SEZ6L: variants seen among roughly 807,000 people sequenced by gnomAD.
The protein encoded by SEZ6L is seizure related 6 homolog like, also known as seizure 6-like protein.
A neutral mutation model predicts 106.2 loss-of-function variants in SEZ6L; 37 were observed. The ratio of observed to expected loss-of-function variants is 0.35; its 90% CI spans 0.27 to 0.46. The LOEUF (loss-of-function observed/expected upper bound fraction) is 0.46. Among genes scored for constraint, SEZ6L ranks in the 20% least tolerant of loss-of-function variants. SEZ6L has a pLI of 1.00. For synonymous variants in SEZ6L, 541 were observed against 570.4 expected (o/e 0.95, Z 0.73); for missense variants, 1,172 against 1,332.8 (o/e 0.88, Z 1.88).
At chr22:26,255,818 T>C (rs2079797818) in intron 1 of SEZ6L, among the ~76,000 whole-genome samples, 1 of 152,174 alleles carries the variant, frequency 6.6e-6, no homozygotes, top group Admixed American at 6.5e-5. Context: ...GGGAATCCAA[T>C]AAAAGTGAAA....
intron 1 of SEZ6L, among the ~76,000 whole-genome samples, chr22:26,209,759 G>A (rs1489733380): frequency 1.4e-5 from 2 of 140,430 alleles, no homozygotes; most frequent in Admixed American, 7.2e-5. Flanking sequence ...AGAGAAGGAA[G>A]GAAGCGAGGG....
intron 1 of SEZ6L, among the ~76,000 whole-genome samples, chr22:26,275,896 T>A (rs1278531826): frequency 6.6e-6 from 1 of 152,146 alleles, no homozygotes; most frequent in African/African-American, 2.4e-5. Context: ...TTGTAATAGG[T>A]GGTGCTCACT....
intron 1 of SEZ6L, among the ~76,000 whole-genome samples, chr22:26,272,087 C>T (rs1027602037): frequency 6.6e-6 from 1 of 152,202 alleles, no homozygotes; most frequent in African/African-American, 2.4e-5. Flanking sequence ...AAAGAGAACA[C>T]GTTGCATAAT....
chr22:26,222,657 A>G (rs762155450), intron 1 of SEZ6L, among the ~76,000 whole-genome samples: 9 of 152,230 alleles, frequency 5.9e-5, no homozygotes, highest in Non-Finnish European at 8.8e-5. Flanking sequence ...ACAAATCTCA[A>G]TATCATAGGG....
chr22:26,194,637 A>G (rs1255238660), intron 1 of SEZ6L, among the ~76,000 whole-genome samples: 1 of 152,210 alleles, frequency 6.6e-6, no homozygotes, highest in Non-Finnish European at 1.5e-5. Context: ...CATGGGGAAG[A>G]GATGTTCCTG....
chr22:26,251,118 C>T (rs1298195527), intron 1 of SEZ6L, among the ~76,000 whole-genome samples: 3 of 152,170 alleles, frequency 2.0e-5, no homozygotes, highest in African/African-American at 7.2e-5. Context: ...AAACAACTTT[C>T]CACTTTGGAT....
chr22:26,211,804 T>TAAAAAAAAAAAAAAAAAAAAAAAAAAA, intron 1 of SEZ6L, among the ~76,000 whole-genome samples: 1 of 48,082 alleles, frequency 2.1e-5, no homozygotes, highest in South Asian at 1.1e-3. Flanking sequence ...ACCTCGTCTC[T>TAAAAAAAAAAAAAAAAAAAAAAAAAAA]AAAAAAAAAA....
chr22:26,367,226 C>T (rs1187611717), intron 13 of SEZ6L, among the ~76,000 whole-genome samples: 2 of 152,118 alleles, frequency 1.3e-5, no homozygotes, highest in East Asian at 1.9e-4. Context: ...CCAAGCGTCC[C>T]GTAGAACAGC....
intron 1 of SEZ6L, among the ~76,000 whole-genome samples, chr22:26,274,523 T>C (rs1358681119): frequency 6.6e-6 from 1 of 152,210 alleles, no homozygotes; most frequent in African/African-American, 2.4e-5. Context: ...ATTAAATCCA[T>C]GTGCTCCTAT....
intron 1 of SEZ6L, among the ~76,000 whole-genome samples, chr22:26,202,647 C>CT (rs951979556): frequency 6.6e-6 from 1 of 152,104 alleles, no homozygotes; most frequent in Non-Finnish European, 1.5e-5. Context: ...TTATGTCTTA[C>CT]TTTTTTTCAG....
At chr22:26,191,396 T>C (rs1474114191) in intron 1 of SEZ6L, among the ~76,000 whole-genome samples, 5 of 152,200 alleles carry the variant, frequency 3.3e-5, no homozygotes, top group Non-Finnish European at 7.3e-5. Flanking sequence ...CATGGAATAC[T>C]ATGCAGCCAT....
rs781334572 is a variant in SEZ6L, at chr22:26,306,054, G to A, written c.1424G>A (p.Gly475Glu). ...CCAAGTTACCCTGAAAACACAAATG[G>A]GAGCCAATTCTGCATCTGGACGATT... ...LSPSYPENTN[G>E]SQFCIWTIEA... The change falls in exon 6 of 17, where the codon GGG becomes GAG. Residue 475 changes from glycine (G) to glutamate (E), a missense_variant. Transcript: ENST00000248933. The A allele has an allele frequency of 1.5e-5, 25 of 1,613,998 alleles. No individual in the cohort carries two copies. The East Asian group carries it at 5.6e-4, about 36-fold the overall frequency.
At chr22:26,318,990 C>T (rs11913632) in intron 9 of SEZ6L, among the ~76,000 whole-genome samples, 1,875 of 152,202 alleles carry the variant, frequency 0.012, 47 homozygotes, top group African/African-American at 0.043. Context: ...TCAATTTCCA[C>T]GGTGTAAATA....
intron 9 of SEZ6L, among the ~76,000 whole-genome samples, chr22:26,331,503 A>G (rs930837995): frequency 6.6e-6 from 1 of 152,194 alleles, no homozygotes; most frequent in African/African-American, 2.4e-5. Context: ...GATCTTTCTA[A>G]ATATTTCAAA....
At position 26,347,807 on chromosome 22, in the gene SEZ6L, C is replaced by T; in HGVS notation, c.2301C>T (p.Ala767=). The T allele has an allele frequency of 6.2e-7, 1 of 1,608,410 alleles. No homozygotes were observed. The highest frequency in any genetic ancestry group is 8.5e-7 in the Non-Finnish European group (1 of 1,178,070). The part of the protein sequence containing the change: ...TTSHTELVRG[A]RITYQCDPGY... ...CTCACACGGAGTTGGTGCGGGGAGC[C>T]AGAATCACCTACCAGTGTGACCCCG... The change falls in exon 11 of 17, where the codon GCC becomes GCT. Residue 767 remains alanine (A), a synonymous_variant. Transcript: ENST00000248933.
At chr22:26,377,904 C>T in intron 16 of SEZ6L, 129 bp downstream of exon 16, 1 of 698,176 alleles carries the variant, frequency 1.4e-6, no homozygotes, top group Non-Finnish European at 2.5e-6. Context: ...CTTATCCCCA[C>T]CAAGAGCCCT....
intron 9 of SEZ6L, among the ~76,000 whole-genome samples, chr22:26,324,076 A>ACG (rs1411048311): frequency 6.8e-6 from 1 of 146,260 alleles, no homozygotes; most frequent in African/African-American, 2.7e-5. Flanking sequence ...ACACACACAC[A>ACG]CACACACACA....
intron 1 of SEZ6L, among the ~76,000 whole-genome samples, chr22:26,252,694 A>G (rs1446769599): frequency 6.6e-6 from 1 of 152,260 alleles, no homozygotes; most frequent in African/African-American, 2.4e-5. Flanking sequence ...TTCCTGAGTT[A>G]ACTCACTTAA....
intron 1 of SEZ6L, among the ~76,000 whole-genome samples, chr22:26,260,644 G>A (rs2079972008): frequency 6.6e-6 from 1 of 152,100 alleles, no homozygotes; most frequent in South Asian, 2.1e-4. Context: ...ATGGGCATTT[G>A]AGGTGGTTCC....
Sources: gnomAD v4.1 joint callset for allele counts (sites outside exome capture counted in the v4.1 genomes callset) on GRCh38, gnomAD v4.1.1 for gene constraint, MANE v1.5 for transcripts, NCBI Gene and HGNC (gene_info 2026-07-23, HGNC 2026-07-21) for gene names.